The following DLC1 variants were observed in gnomAD, a reference collection of about 807,000 sequenced individuals.
DLC1 encodes the protein rho GTPase-activating protein 7.
Under a neutral mutation model 140.3 loss-of-function variants are expected in DLC1, and 54 were observed. That is an observed-to-expected ratio of 0.38 (90% CI 0.31 to 0.48). The LOEUF (loss-of-function observed/expected upper bound fraction) is 0.48. DLC1 is among the 20% of genes least tolerant of loss of function. DLC1 has a pLI of 0.96. For missense variants in DLC1, 2,536 were observed against 1,907.0 expected, an observed-to-expected ratio of 1.33 and a Z score of -6.14; for synonymous variants, 986 against 728.1, an observed-to-expected ratio of 1.35 and a Z score of -5.70.
In DLC1 at chr8:13,182,046, G is replaced by T. The variant is rs572429712; in HGVS notation, c.1349-66389C>A. On this transcript the variant is annotated intron_variant, in intron 5 of 17. Coordinates refer to ENST00000276297, the MANE Select transcript of DLC1 (RefSeq NM_182643.3). ...TTTCCATTCTAACTGGTGTGAGATG[G>T]TATCTCATTGTGGTTTTGATTTGCA... Among the ~76,000 whole-genome samples, 421 of 152,222 alleles carry T rather than the reference G, an allele frequency of 2.8e-3. 1 individual carries two copies. The highest frequency in any genetic ancestry group is 4.7e-3 in the Non-Finnish European group (318 of 68,028).
chr8:13,133,879 G>A lies in DLC1; in HGVS notation c.1349-18222C>T, dbSNP rs564515664. Among the ~76,000 whole-genome samples the A allele has an allele frequency of 3.9e-5, 6 of 152,266 alleles. No homozygotes were observed. The South Asian group carries it at 1.2e-3, about 32-fold the overall frequency. Reference sequence around the variant, plus strand: ...ACGAGCGAAGGGTACCTGTCCCTTGGACATTGGTTATTTATTGCTAAAACC... The same window carrying A: ...ACGAGCGAAGGGTACCTGTCCCTTGAACATTGGTTATTTATTGCTAAAACC... On this transcript the variant is annotated intron_variant, in intron 5 of 17. Transcript: ENST00000276297.
chr8:13,513,828 T>G (rs926718232), intron 1 of DLC1, among the ~76,000 whole-genome samples: 5 of 152,136 alleles, frequency 3.3e-5, no homozygotes, highest in Admixed American at 2.0e-4. Context: ...CTGGAGTGAT[T>G]TCTGGCTGCC....
At chr8:13,396,803 A>C (rs1837062588) in intron 3 of DLC1, among the ~76,000 whole-genome samples, 1 of 152,130 alleles carries the variant, frequency 6.6e-6, no homozygotes, top group Non-Finnish European at 1.5e-5. Flanking sequence ...TCAATTTGAG[A>C]AATTACCCAA....
At chr8:13,446,134 C>G (rs113037309) in intron 2 of DLC1, among the ~76,000 whole-genome samples, 8,412 of 152,184 alleles carry the variant, frequency 0.055, 340 homozygotes, top group African/African-American at 0.12. Flanking sequence ...ACTCTCCCCC[C>G]CTCTGTGTTC....
chr8:13,270,964 G>A (rs1219901184), intron 5 of DLC1, among the ~76,000 whole-genome samples: 1 of 152,272 alleles, frequency 6.6e-6, no homozygotes, highest in Admixed American at 6.5e-5. Context: ...GTATTGGCAA[G>A]GAATGCTGAC....
intron 4 of DLC1, among the ~76,000 whole-genome samples, chr8:13,379,765 T>G (rs1836169051): frequency 1.3e-5 from 2 of 152,308 alleles, no homozygotes; most frequent in East Asian, 3.9e-4. Context: ...TTTAAGCCCC[T>G]CAGGCCTTAG....
chr8:13,432,673 A>G (rs1838935762), intron 2 of DLC1, among the ~76,000 whole-genome samples: 1 of 152,242 alleles, frequency 6.6e-6, no homozygotes, highest in Non-Finnish European at 1.5e-5. Flanking sequence ...GTGAAAAAGC[A>G]GGTGAGAAAA....
chr8:13,547,600 C>A lies in DLC1; in HGVS notation c.-125-47404G>T, dbSNP rs143557869. On this transcript the variant is annotated intron_variant, in intron 1 of 1. Coordinates refer to the DLC1 transcript ENST00000631382. ...ATGTTATAAAGGTGTATGGGTTTTG[C>A]CTCTGTCGGCAGCAGAGACAAACAC... Among the ~76,000 whole-genome samples the A allele has an allele frequency of 6.7e-3, 1,025 of 152,072 alleles. 14 individuals are homozygous for A. The highest frequency in any genetic ancestry group is 0.023 in the African/African-American group (963 of 41,498).
intron 1 of DLC1, among the ~76,000 whole-genome samples, chr8:13,552,696 A>C (rs1224983937): frequency 2.0e-5 from 3 of 151,758 alleles, no homozygotes; most frequent in African/African-American, 7.2e-5. Context: ...CAAAATTACT[A>C]CAGGAAAATG....
At chr8:13,520,931 A>C (rs1802745555) in intron 1 of DLC1, among the ~76,000 whole-genome samples, 1 of 152,120 alleles carries the variant, frequency 6.6e-6, no homozygotes, top group South Asian at 2.1e-4. Context: ...GAAATCCTCA[A>C]TTCATGGCCA....
chr8:13,274,719 C>A (rs2117397057), intron 5 of DLC1, among the ~76,000 whole-genome samples: 1 of 152,252 alleles, frequency 6.6e-6, no homozygotes, highest in East Asian at 1.9e-4. Context: ...AAGAGGAAAT[C>A]TCAGAAGCAT....
intron 4 of DLC1, among the ~76,000 whole-genome samples, chr8:13,388,313 G>T (rs919639858): frequency 1.3e-5 from 2 of 151,912 alleles, no homozygotes; most frequent in Non-Finnish European, 2.9e-5. Context: ...GTTTGTAAAA[G>T]GTGCCCATTA....
intron 1 of DLC1, among the ~76,000 whole-genome samples, chr8:13,597,332 C>T (rs944768892): frequency 3.3e-5 from 5 of 152,012 alleles, no homozygotes; most frequent in Non-Finnish European, 7.4e-5. Context: ...CTTCCAAAGA[C>T]GTGAACCGTA....
intron 4 of DLC1, among the ~76,000 whole-genome samples, chr8:13,366,104 T>A (rs904383552): frequency 3.3e-5 from 5 of 152,168 alleles, no homozygotes; most frequent in African/African-American, 1.2e-4. Context: ...GACCACAGAA[T>A]TATAGACTCG....
intron 5 of DLC1, among the ~76,000 whole-genome samples, chr8:13,132,201 A>G (rs1454236758): frequency 7.7e-6 from 1 of 129,172 alleles, no homozygotes; most frequent in Non-Finnish European, 1.6e-5. Context: ...GAAAAAAACC[A>G]AAACTGTGTG....
chr8:13,449,435 T>C (rs1798942110), intron 2 of DLC1, among the ~76,000 whole-genome samples: 1 of 152,184 alleles, frequency 6.6e-6, no homozygotes, highest in African/African-American at 2.4e-5. Flanking sequence ...ACCCAGAAAG[T>C]GCAATTTGCA....
At chr8:13,236,653 T>G (rs1302452075) in intron 5 of DLC1, among the ~76,000 whole-genome samples, 1 of 152,146 alleles carries the variant, frequency 6.6e-6, no homozygotes, top group Non-Finnish European at 1.5e-5. Flanking sequence ...GACAGGTAAA[T>G]CTTACTGTAC....
At chr8:13,590,995 A>G (rs1016910001) in intron 1 of DLC1, among the ~76,000 whole-genome samples, 2 of 152,072 alleles carry the variant, frequency 1.3e-5, no homozygotes, top group African/African-American at 2.4e-5. Context: ...TCCAGGCAGC[A>G]ATAACATGGA....
intron 1 of DLC1, among the ~76,000 whole-genome samples, chr8:13,544,700 C>A (rs1034285309): frequency 6.6e-6 from 1 of 152,070 alleles, no homozygotes; most frequent in African/African-American, 2.4e-5. Context: ...AAGTTAAGTC[C>A]GATCGGTATA....
Sources: allele counts gnomAD v4.1 joint callset (sites outside exome capture counted in the v4.1 genomes callset), GRCh38; gene constraint gnomAD v4.1.1; transcripts MANE v1.5; gene names NCBI Gene and HGNC (gene_info 2026-07-23, HGNC 2026-07-21).